REDIC1: variants seen among roughly 807,000 people sequenced by gnomAD.
REDIC1 encodes HEI10 Interacting Protein 1.
At chr12:39,860,544 G>A in the REDIC1 span, among the ~76,000 whole-genome samples, 2 of 152,108 alleles carry the variant, frequency 1.3e-5, no homozygotes, top group Non-Finnish European at 2.9e-5. Context: ...CAATATCCCA[G>A]CTGATGTTGG....
At chr12:39,765,716 C>T in the REDIC1 span, among the ~76,000 whole-genome samples, 2 of 152,002 alleles carry the variant, frequency 1.3e-5, no homozygotes, top group Non-Finnish European at 2.9e-5. Flanking sequence ...ATTCATTGGC[C>T]TCATTTAAAA....
chr12:39,863,007 A>C, the REDIC1 span, among the ~76,000 whole-genome samples: 1 of 152,154 alleles, frequency 6.6e-6, no homozygotes, highest in African/African-American at 2.4e-5. Flanking sequence ...TTAGACTATA[A>C]ATACATACTG....
At chr12:39,779,792 C>A in the REDIC1 span, among the ~76,000 whole-genome samples, 1 of 152,196 alleles carries the variant, frequency 6.6e-6, no homozygotes, top group East Asian at 1.9e-4. Flanking sequence ...CTGTATCATC[C>A]TAAGCTTTAA....
the REDIC1 span, among the ~76,000 whole-genome samples, chr12:39,701,137 T>C: frequency 1.2e-4 from 18 of 152,052 alleles, no homozygotes; most frequent in South Asian, 1.9e-3. Flanking sequence ...AAGACACAGA[T>C]TGGCAAATTG....
At chr12:39,782,964 G>A in the REDIC1 span, among the ~76,000 whole-genome samples, 1 of 152,094 alleles carries the variant, frequency 6.6e-6, no homozygotes, top group Non-Finnish European at 1.5e-5. Context: ...TTGGTGTGCT[G>A]CACCCATTAA....
chr12:39,634,848 C>A, the REDIC1 span, among the ~76,000 whole-genome samples: 1 of 151,776 alleles, frequency 6.6e-6, no homozygotes, highest in Non-Finnish European at 1.5e-5. Context: ...GTAAAACAGG[C>A]AACCTACAGA....
chr12:39,865,376 T>C, the REDIC1 span, among the ~76,000 whole-genome samples: 1 of 152,200 alleles, frequency 6.6e-6, no homozygotes, highest in Non-Finnish European at 1.5e-5. Flanking sequence ...TCTAAAGCAG[T>C]TGAAAGAGCA....
the REDIC1 span, among the ~76,000 whole-genome samples, chr12:39,688,036 G>A: frequency 1.3e-5 from 2 of 152,130 alleles, no homozygotes; most frequent in African/African-American, 4.8e-5. Context: ...TGTTTATTGA[G>A]TACATATTAT....
the REDIC1 span, among the ~76,000 whole-genome samples, chr12:39,691,011 A>G: frequency 6.6e-6 from 1 of 152,222 alleles, no homozygotes; most frequent in Non-Finnish European, 1.5e-5. Context: ...AAGAGAAAAG[A>G]TTTTTAAATG....
chr12:39,856,619 G>A, the REDIC1 span, among the ~76,000 whole-genome samples: 1 of 152,054 alleles, frequency 6.6e-6, no homozygotes, highest in African/African-American at 2.4e-5. Flanking sequence ...TGCCCACCTC[G>A]GCCTCCCAAA....
the REDIC1 span, among the ~76,000 whole-genome samples, chr12:39,686,093 G>A: frequency 1.4e-4 from 22 of 152,204 alleles, no homozygotes; most frequent in African/African-American, 4.6e-4. Flanking sequence ...AGTGCCTGTG[G>A]CTTTTCCAGG....
At chr12:39,649,081 GA>G in the REDIC1 span, among the ~76,000 whole-genome samples, 4 of 151,670 alleles carry the variant, frequency 2.6e-5, no homozygotes. Context: ...AAGGATAGAG[GA>G]TAAAACATCT....
chr12:39,718,072 C>A, the REDIC1 span, among the ~76,000 whole-genome samples: 120,473 of 151,942 alleles, frequency 0.79, 48,487 homozygotes, highest in Non-Finnish European at 0.86. Flanking sequence ...TTTTCTTCTG[C>A]AGGGATTTCT....
chr12:39,777,583 C>T, the REDIC1 span, among the ~76,000 whole-genome samples: 1 of 152,164 alleles, frequency 6.6e-6, no homozygotes, highest in Non-Finnish European at 1.5e-5. Flanking sequence ...CCCAAGACCA[C>T]CCTGGCCTGC....
chr12:39,775,108 T>C, the REDIC1 span, among the ~76,000 whole-genome samples: 2 of 152,222 alleles, frequency 1.3e-5, no homozygotes, highest in Non-Finnish European at 2.9e-5. Flanking sequence ...TGTACTTTTC[T>C]CTGTGCTTTC....
At chr12:39,699,458 G>A in the REDIC1 span, among the ~76,000 whole-genome samples, 3 of 152,210 alleles carry the variant, frequency 2.0e-5, no homozygotes, top group African/African-American at 7.2e-5. Context: ...CTACGCCCAG[G>A]GAGTCTCTCT....
the REDIC1 span, among the ~76,000 whole-genome samples, chr12:39,900,672 C>T: frequency 3.9e-5 from 6 of 152,250 alleles, no homozygotes; most frequent in East Asian, 7.7e-4. Flanking sequence ...CAAACCACTG[C>T]TCAATGAAAT....
the REDIC1 span, among the ~76,000 whole-genome samples, chr12:39,819,371 A>T: frequency 6.6e-6 from 1 of 152,158 alleles, no homozygotes; most frequent in African/African-American, 2.4e-5. Context: ...AAAATATATT[A>T]AGGTGGCAAT....
At chr12:39,763,721 C>T in the REDIC1 span, among the ~76,000 whole-genome samples, 2 of 152,090 alleles carry the variant, frequency 1.3e-5, no homozygotes, top group African/African-American at 4.8e-5. Flanking sequence ...AGAATGAAAC[C>T]TCATACTTCA....
Sources: gnomAD v4.1 joint callset for allele counts (sites outside exome capture counted in the v4.1 genomes callset) on GRCh38, gnomAD v4.1.1 for gene constraint, MANE v1.5 for transcripts, NCBI Gene and HGNC (gene_info 2026-07-23, HGNC 2026-07-21) for gene names.